Variants in KLHL2 observed in about 807,000 individuals in gnomAD.
KLHL2 encodes kelch like family member 2.
KLHL2 carries 15 observed loss-of-function variants against 75.8 expected under a neutral mutation model. That is an observed-to-expected ratio of 0.20 (90% CI 0.13 to 0.30). The LOEUF is 0.30. Among genes scored for constraint, KLHL2 ranks in the 10% least tolerant of loss-of-function variants. The pLI is 1.00. For synonymous variants in KLHL2, 214 were observed against 251.9 expected (o/e 0.85, Z 1.42); for missense variants, 381 against 741.0 (o/e 0.51, Z 5.64).
chr4:165,299,476 C>T (rs1745185234), intron 7 of KLHL2, 31 bp from the exon 8 acceptor site: 6 of 1,572,610 alleles, frequency 3.8e-6, no homozygotes, highest in South Asian at 2.4e-5. Context: ...TAGCCCTACC[C>T]TCAGTGGGTG....
intron 10 of KLHL2, 26 bp downstream of exon 10, chr4:165,310,776 A>G (rs1380248430): frequency 3.9e-6 from 6 of 1,546,578 alleles, no homozygotes; most frequent in Admixed American, 1.7e-5. Context: ...TTTATTCTAC[A>G]TTGCTGCTAA....
At chr4:165,212,018 G>GT (rs1414070106) in intron 1 of KLHL2, among the ~76,000 whole-genome samples, 1 of 152,112 alleles carries the variant, frequency 6.6e-6, no homozygotes, top group Admixed American at 6.5e-5. Context: ...GATCAGGCAG[G>GT]TTTTTTCAAG....
At position 165,303,494 on chromosome 4, in the gene KLHL2, G is replaced by GCCCCCC. The variant is rs35038980; in HGVS notation, c.922-2111_922-2106dup. On this transcript the variant is annotated intron_variant, in intron 8 of 14. Coordinates refer to ENST00000226725, the MANE Select transcript of KLHL2 (RefSeq NM_007246.4). ...CCAATTCTGTAATTTTTACAACCTT[G>GCCCCCC]CCCCCCCCGCCGTTTTTGGGTGGTC... Among the ~76,000 whole-genome samples, 923 of 112,980 alleles carry GCCCCCC rather than the reference G, an allele frequency of 8.2e-3. 39 individuals carry two copies. The highest frequency in any genetic ancestry group is 0.021 in the African/African-American group (750 of 35,202). 74.1% of individuals were successfully genotyped at this position (112,980 alleles called of 152,430 possible). A position where few individuals can be genotyped will look rare whatever the true frequency, so the allele number is the denominator to read the frequency against.
intron 4 of KLHL2, among the ~76,000 whole-genome samples, chr4:165,256,036 C>T (rs1212319325): frequency 1.3e-5 from 2 of 151,934 alleles, no homozygotes; most frequent in African/African-American, 4.8e-5. Flanking sequence ...AAGGAGTATA[C>T]TTGTCTAAGC....
At chr4:165,263,763 G>A (rs1466454716) in intron 5 of KLHL2, among the ~76,000 whole-genome samples, 1 of 141,010 alleles carries the variant, frequency 7.1e-6, no homozygotes, top group African/African-American at 2.6e-5. Context: ...ATATGAGAAA[G>A]TATATGCATG....
chr4:165,276,725 A>G (rs1021374842), intron 5 of KLHL2, among the ~76,000 whole-genome samples: 3 of 152,112 alleles, frequency 2.0e-5, no homozygotes, highest in East Asian at 1.9e-4. Flanking sequence ...CCAGATAGCA[A>G]TTTCTTATTC....
intron 8 of KLHL2, among the ~76,000 whole-genome samples, chr4:165,302,161 GC>G (rs1411814352): frequency 5.9e-5 from 9 of 152,160 alleles, no homozygotes; most frequent in African/African-American, 2.2e-4. Context: ...GCAGTGAGCA[GC>G]CCTGTTGCTT....
At chr4:165,303,628 T>A (rs1305687664) in intron 8 of KLHL2, among the ~76,000 whole-genome samples, 1 of 152,160 alleles carries the variant, frequency 6.6e-6, no homozygotes, top group East Asian at 1.9e-4. Flanking sequence ...ATTAGTGCAG[T>A]CTCAGCTCAC....
intron 4 of KLHL2, among the ~76,000 whole-genome samples, chr4:165,244,649 AC>A (rs1183111641): frequency 2.7e-3 from 409 of 152,212 alleles, no homozygotes; most frequent in East Asian, 0.01. Flanking sequence ...AAACAAACAA[AC>A]AAACAAAAAA....
rs369735425 is a variant in KLHL2 at position 165,278,205 on chromosome 4, C to T, written c.544+14846C>T. 3.8e-5 allele frequency: 47 copies of T among 1,232,992 alleles called. 1 individual carries two copies. Among genetic ancestry groups the T allele is most frequent in the South Asian group, 2.3e-4 (19 of 83,478 alleles). 76.4% of individuals were successfully genotyped at this position (1,232,992 alleles called of 1,614,324 possible). ...GGTTCAAACCGCTCCATCGTGACGG[C>T]GGACAAATCCTCAGGTTCAAGACTC... On this transcript the variant is annotated intron_variant, in intron 5 of 14. Transcript: ENST00000226725.
intron 14 of KLHL2, chr4:165,321,408 A>G: frequency 1.2e-5 from 5 of 409,890 alleles, no homozygotes; most frequent in South Asian, 7.4e-5. Flanking sequence ...ATGACTTTTT[A>G]AATAACATTT....
chr4:165,263,668 A>G (rs541212093), intron 5 of KLHL2, among the ~76,000 whole-genome samples: 3 of 151,564 alleles, frequency 2.0e-5, no homozygotes, highest in South Asian at 2.1e-4. Context: ...TGGTGGTGCA[A>G]TCTTGGCTCA....
At chr4:165,232,576 TTA>T (rs1162521766) in intron 3 of KLHL2, among the ~76,000 whole-genome samples, 1 of 151,772 alleles carries the variant, frequency 6.6e-6, no homozygotes, top group East Asian at 1.9e-4. Flanking sequence ...AAAAAGATTT[TTA>T]AAAAAATTGA....
At chr4:165,256,429 C>T (rs1741173942) in intron 4 of KLHL2, among the ~76,000 whole-genome samples, 1 of 152,156 alleles carries the variant, frequency 6.6e-6, no homozygotes, top group Non-Finnish European at 1.5e-5. Flanking sequence ...TGTTGCTGTT[C>T]ACCGAACAGG....
intron 4 of KLHL2, among the ~76,000 whole-genome samples, chr4:165,239,932 G>C (rs1434132439): frequency 1.3e-5 from 2 of 152,166 alleles, no homozygotes; most frequent in Non-Finnish European, 2.9e-5. Flanking sequence ...ACTGAACAGT[G>C]TCTTAGGGGT....
rs1747042481 is a variant in KLHL2 at position 165,322,265 on chromosome 4, C to A, written c.*205C>A. On this transcript the variant is annotated 3_prime_UTR_variant, in exon 15 of 15. Coordinates refer to ENST00000226725, the MANE Select transcript of KLHL2 (RefSeq NM_007246.4). ...TGTAGGCTTTTTCTGCAATGAGCAG[C>A]AGCTGACTGAATTTTCATAAGAAAC... The A allele has an allele frequency of 1.8e-6, 1 of 549,116 alleles. No homozygotes were observed. Among genetic ancestry groups the A allele is most frequent in the African/African-American group, 1.9e-5 (1 of 52,570 alleles). 34.0% of individuals were successfully genotyped at this position (549,116 alleles called of 1,614,324 possible).
chr4:165,232,106 G>A (rs992708405), intron 3 of KLHL2, among the ~76,000 whole-genome samples: 4 of 151,608 alleles, frequency 2.6e-5, no homozygotes, highest in African/African-American at 9.7e-5. Flanking sequence ...TCTTTGTACT[G>A]TTTTTTTTCT....
At chr4:165,320,487 C>T (rs1292941045) in intron 14 of KLHL2, among the ~76,000 whole-genome samples, 1 of 152,114 alleles carries the variant, frequency 6.6e-6, no homozygotes, top group Non-Finnish European at 1.5e-5. Flanking sequence ...GAGTTCAACA[C>T]CAAAGGCATA....
rs997585207 is a variant in KLHL2, at chr4:165,270,190, C to T, written c.544+6831C>T. 6.6e-5 allele frequency among the ~76,000 whole-genome samples: 10 copies of T among 152,158 alleles called. 1 individual carries two copies. Among genetic ancestry groups the T allele is most frequent in the Non-Finnish European group, 1.2e-4 (8 of 68,038 alleles). On this transcript the variant is annotated intron_variant, in intron 5 of 14. Transcript: ENST00000226725. ...TCCATCAGGTCATTTAAGGTCTTCT[C>T]TACACTGTTTATTCTAGTTAGCCAT...
Sources: allele counts gnomAD v4.1 joint callset (sites outside exome capture counted in the v4.1 genomes callset), GRCh38; gene constraint gnomAD v4.1.1; transcripts MANE v1.5; gene names NCBI Gene and HGNC (gene_info 2026-07-23, HGNC 2026-07-21).